ZNF133: variants seen among roughly 807,000 people sequenced by gnomAD.
ZNF133 encodes zinc finger protein 133 (clone pHZ-13).
Under a neutral mutation model 54.9 loss-of-function variants are expected in ZNF133, and 26 were observed. The observed-to-expected ratio is 0.47, with a 90% CI of 0.35 to 0.66. The LOEUF (loss-of-function observed/expected upper bound fraction) is 0.66, where lower values mean the gene tolerates loss of function less well. ZNF133 is among the 30% of genes least tolerant of loss of function. The pLI, the probability that ZNF133 is intolerant of heterozygous loss-of-function variation, is 0.01. For missense variants in ZNF133, 653 were observed against 820.8 expected (o/e 0.80, Z 2.50); for synonymous variants, 298 against 320.3 (o/e 0.93, Z 0.74).
At chr20:18,295,976 T>C (rs1166427184) in intron 1 of ZNF133, among the ~76,000 whole-genome samples, 2 of 152,220 alleles carry the variant, frequency 1.3e-5, no homozygotes, top group African/African-American at 4.8e-5. Context: ...TAGTGTTTTT[T>C]ATTACTGTTA....
In ZNF133 at chr20:18,316,771, T is replaced by C. The variant is rs1423366438; in HGVS notation, c.1920T>C (p.Pro640=). ...ACAGACTGCCAGTGCAGCCCGACCC[T>C]GAGCCGTGTGCAGGGCAACCTTCGG... The part of the protein sequence containing the change: ...VHHRLPVQPD[P]EPCAGQPSDS... Residue 640 remains proline, a synonymous_variant, in exon 7 of 7, where the codon CCT becomes CCC. Coordinates refer to ENST00000425686, the MANE Select transcript of ZNF133 (RefSeq NM_001352452.2). The C allele has an allele frequency of 6.2e-7, 1 of 1,613,912 alleles. No individual in the cohort carries two copies. Among genetic ancestry groups the C allele is most frequent in the African/African-American group, 1.3e-5 (1 of 74,934 alleles).
chr20:18,306,967 C>T (rs907735947), intron 6 of ZNF133, among the ~76,000 whole-genome samples: 13 of 152,110 alleles, frequency 8.5e-5, no homozygotes, highest in Admixed American at 8.5e-4. Context: ...GAGTACAATA[C>T]ATAGCCTTAA....
intron 3 of ZNF133, among the ~76,000 whole-genome samples, chr20:18,300,855 A>G (rs991391243): frequency 6.6e-6 from 1 of 152,134 alleles, no homozygotes; most frequent in Non-Finnish European, 1.5e-5. Context: ...TATAATAATA[A>G]TTGGAGATTT....
At chr20:18,297,944 T>C in intron 1 of ZNF133, 41 bp from the exon 2 acceptor site, 1 of 1,389,452 alleles carries the variant, frequency 7.2e-7, no homozygotes, top group Non-Finnish European at 9.8e-7. Context: ...GGGGAGAGCA[T>C]TTCTACCTGA....
At position 18,316,960 on chromosome 20, in the gene ZNF133, C is replaced by T. The variant is rs1192790267; in HGVS notation, c.*144C>T. 1.3e-5 allele frequency: 14 copies of T among 1,070,246 alleles called. No individual in the cohort carries two copies. Among genetic ancestry groups the T allele is most frequent in the South Asian group, 1.0e-4 (6 of 58,824 alleles). The allele number at this position is 1,070,246 out of a possible 1,614,324, so 66.3% of individuals were successfully genotyped here. ...AGTCTTCTCCATGTTTTGTGGCCTT[C>T]GGTTGTAATAAACTTGGCTTCTTTA... On this transcript the variant is annotated 3_prime_UTR_variant, in exon 7 of 7. Transcript: ENST00000425686.
chr20:18,300,402 G>A (rs2043135120), intron 3 of ZNF133, among the ~76,000 whole-genome samples: 1 of 152,054 alleles, frequency 6.6e-6, no homozygotes. Flanking sequence ...AAAAAGGACA[G>A]TAATACAGGA....
At chr20:18,297,281 T>A (rs1487171903) in intron 1 of ZNF133, among the ~76,000 whole-genome samples, 1 of 152,148 alleles carries the variant, frequency 6.6e-6, no homozygotes, top group African/African-American at 2.4e-5. Flanking sequence ...AATCTATTCC[T>A]CCTTGAGTGT....
intron 3 of ZNF133, among the ~76,000 whole-genome samples, chr20:18,303,129 C>T (rs935468267): frequency 2.6e-5 from 4 of 151,854 alleles, no homozygotes; most frequent in African/African-American, 9.7e-5. Context: ...TCACTGCAAC[C>T]TCCACCCCCC....
At chr20:18,314,563 G>C (rs1165520468) in intron 6 of ZNF133, 1 of 152,178 alleles carries the variant, frequency 6.6e-6, no homozygotes, top group Non-Finnish European at 1.5e-5. Context: ...GTCACATACT[G>C]TTTCACTACC....
intron 1 of ZNF133, chr20:18,295,200 CTTATTTCTT>C (rs1166262370): frequency 7.2e-5 from 11 of 152,252 alleles, no homozygotes; most frequent in Admixed American, 2.6e-4. Context: ...CTTTGCCTTT[CTTATTTCTT>C]ATTTTGAGAG....
chr20:18,289,709 T>C (rs1341019891), intron 1 of ZNF133, among the ~76,000 whole-genome samples: 2 of 152,200 alleles, frequency 1.3e-5, no homozygotes, highest in Non-Finnish European at 2.9e-5. Flanking sequence ...ACTCCTACAG[T>C]GGCTGTAACA....
chr20:18,289,539 C>T (rs1477017882), intron 1 of ZNF133, among the ~76,000 whole-genome samples: 3 of 152,162 alleles, frequency 2.0e-5, no homozygotes, highest in Non-Finnish European at 4.4e-5. Flanking sequence ...TGTAAGAGCA[C>T]GGTCTCCACA....
intron 3 of ZNF133, among the ~76,000 whole-genome samples, chr20:18,300,671 C>G (rs1045477545): frequency 5.3e-5 from 8 of 151,984 alleles, no homozygotes; most frequent in South Asian, 4.1e-4. Context: ...GGAGTGGCTA[C>G]ATTAATACCA....
intron 3 of ZNF133, among the ~76,000 whole-genome samples, chr20:18,302,648 T>C (rs532098266): frequency 6.6e-6 from 1 of 152,172 alleles, no homozygotes; most frequent in Non-Finnish European, 1.5e-5. Context: ...AATGCCCACT[T>C]TTGCCACTTA....
chr20:18,307,927 C>A (rs1288800734), intron 6 of ZNF133, among the ~76,000 whole-genome samples: 1 of 152,100 alleles, frequency 6.6e-6, no homozygotes, highest in Admixed American at 6.5e-5. Context: ...AAATCAGACA[C>A]TAAGTGGATA....
intron 6 of ZNF133, chr20:18,306,821 G>T: frequency 8.4e-7 from 1 of 1,190,744 alleles, no homozygotes; most frequent in Admixed American, 3.6e-5. Context: ...AAAACTGTGA[G>T]CTATTCAAGA....
intron 6 of ZNF133, among the ~76,000 whole-genome samples, chr20:18,311,194 G>A (rs2045849304): frequency 2.0e-5 from 3 of 152,264 alleles, no homozygotes; most frequent in African/African-American, 7.2e-5. Flanking sequence ...GGTGTTGTGT[G>A]CCTGTAGTCC....
chr20:18,291,502 G>A (rs1215887858), intron 1 of ZNF133, among the ~76,000 whole-genome samples: 1 of 151,878 alleles, frequency 6.6e-6, no homozygotes, highest in East Asian at 1.9e-4. Flanking sequence ...CTCCTTTACT[G>A]GCTCTTCCTT....
chr20:18,297,867 A>G, intron 1 of ZNF133, 118 bp from the exon 2 acceptor site: 2 of 637,262 alleles, frequency 3.1e-6, no homozygotes, highest in South Asian at 3.9e-5. Flanking sequence ...TCCTTGCTTT[A>G]TACTTTCCCC....
Sources: allele counts gnomAD v4.1 joint callset (sites outside exome capture counted in the v4.1 genomes callset), GRCh38; gene constraint gnomAD v4.1.1; transcripts MANE v1.5; gene names NCBI Gene and HGNC (gene_info 2026-07-23, HGNC 2026-07-21).